PTPRM: variants seen among roughly 807,000 people sequenced by gnomAD.
PTPRM encodes the protein protein tyrosine phosphatase receptor type M.
PTPRM carries 47 observed loss-of-function variants against 186.7 expected under a neutral mutation model. That is an observed-to-expected ratio of 0.25 (90% CI 0.20 to 0.32). The LOEUF (loss-of-function observed/expected upper bound fraction) is 0.32. PTPRM is among the 10% of genes least tolerant of loss of function. PTPRM has a pLI of 1.00. For synonymous variants in PTPRM, 668 were observed against 674.9 expected (o/e 0.99, Z 0.16); for missense variants, 1,494 against 1,865.0 (o/e 0.80, Z 3.66).
chr18:8,275,540 A>G (rs1013722843), intron 19 of PTPRM, among the ~76,000 whole-genome samples: 9 of 152,208 alleles, frequency 5.9e-5, no homozygotes, highest in African/African-American at 2.2e-4. Flanking sequence ...TGAGGCATGA[A>G]TGCGGTCAGA....
intron 13 of PTPRM, among the ~76,000 whole-genome samples, chr18:8,125,239 T>C (rs1354308868): frequency 6.6e-6 from 1 of 151,884 alleles, no homozygotes; most frequent in Admixed American, 6.6e-5. Context: ...CTCATAAATA[T>C]TTCTTGACTG....
At chr18:8,128,044 C>G (rs1316129561) in intron 13 of PTPRM, among the ~76,000 whole-genome samples, 1 of 152,122 alleles carries the variant, frequency 6.6e-6, no homozygotes, top group Admixed American at 6.6e-5. Context: ...CGTACTATCT[C>G]TATGATACCA....
At chr18:7,940,152 G>A (rs181730816) in intron 5 of PTPRM, among the ~76,000 whole-genome samples, 2 of 152,248 alleles carry the variant, frequency 1.3e-5, no homozygotes, top group African/African-American at 4.8e-5. Context: ...GGAATCTGGG[G>A]ACCAAAAGAC....
intron 5 of PTPRM, among the ~76,000 whole-genome samples, chr18:7,927,827 A>G (rs1599558202): frequency 1.3e-5 from 2 of 152,124 alleles, no homozygotes; most frequent in Admixed American, 1.3e-4. Context: ...ATCTCACTCA[A>G]CCTCCTGGGA....
chr18:7,850,312 G>A (rs940367679), intron 2 of PTPRM, among the ~76,000 whole-genome samples: 4 of 152,180 alleles, frequency 2.6e-5, no homozygotes, highest in Non-Finnish European at 4.4e-5. Flanking sequence ...AATGGTTAAT[G>A]TGCTTGTTTC....
rs1235933280 is a variant in PTPRM at position 8,126,021 on chromosome 18, A to ATT, written c.2167+11195_2167+11196insTT. ...TATATATATATATATATATATATAT[A>ATT]TATATATTTTAAATCAGTAGACCTT... On this transcript the variant is annotated intron_variant, in intron 13 of 32. Coordinates refer to ENST00000580170, the MANE Select transcript of PTPRM (RefSeq NM_001105244.2). Among the ~76,000 whole-genome samples the ATT allele has an allele frequency of 2.0e-3, 76 of 37,532 alleles. 7 individuals are homozygous for ATT. Among genetic ancestry groups the ATT allele is most frequent in the East Asian group, 0.02 (12 of 608 alleles). The allele number at this position is 37,532 out of a possible 152,430, so 24.6% of individuals were successfully genotyped here.
chr18:8,231,405 C>T (rs897322121), intron 14 of PTPRM, among the ~76,000 whole-genome samples: 2 of 152,172 alleles, frequency 1.3e-5, no homozygotes, highest in African/African-American at 4.8e-5. Flanking sequence ...GTGATTTCTT[C>T]TTCCTTCCAG....
intron 2 of PTPRM, among the ~76,000 whole-genome samples, chr18:7,872,267 T>G (rs2048020272): frequency 1.3e-5 from 2 of 152,302 alleles, no homozygotes. Flanking sequence ...TCAGTATCCA[T>G]TCAGACAAAC....
intron 14 of PTPRM, among the ~76,000 whole-genome samples, chr18:8,192,637 A>G (rs1488209201): frequency 6.6e-6 from 1 of 152,184 alleles, no homozygotes; most frequent in East Asian, 1.9e-4. Flanking sequence ...AATAGAAAGG[A>G]TGGGGGATGT....
At position 7,875,118 on chromosome 18, in the gene PTPRM, C is replaced by T. The variant is rs1322520928; in HGVS notation, c.197-12988C>T. 2.0e-5 allele frequency among the ~76,000 whole-genome samples: 3 copies of T among 152,092 alleles called. No homozygotes were observed. In the East Asian group the frequency reaches 5.9e-4, roughly 30 times the overall value. The stretch of plus-strand genomic sequence containing the variant: ...GGCTGAAGCAGGAGAATCACCTGAA[C>T]CCAGGAGGCAGAGGTTGCAGTGAAC... On this transcript the variant is annotated intron_variant, in intron 2 of 32. Transcript: ENST00000580170.
intron 19 of PTPRM, among the ~76,000 whole-genome samples, chr18:8,271,705 T>G (rs1385663148): frequency 6.6e-6 from 1 of 152,122 alleles, no homozygotes; most frequent in African/African-American, 2.4e-5. Flanking sequence ...TTTTCTTGAG[T>G]TAATTTTGAT....
At chr18:7,717,557 T>A (rs948378147) in intron 1 of PTPRM, among the ~76,000 whole-genome samples, 8 of 152,298 alleles carry the variant, frequency 5.3e-5, no homozygotes, top group East Asian at 1.9e-4. Flanking sequence ...TTAGTGTAGA[T>A]ACAAAAGGCA....
Position 8,049,378 on chromosome 18 carries a change from C to T in PTPRM, c.1133-20308C>T, listed in dbSNP as rs1390082303. ...ACTTCCTTAAAACAGAAAAGCACAA[C>T]AGAGATGTGAGTCACAACACAGAAA... On this transcript the variant is annotated intron_variant, in intron 7 of 32. Transcript: ENST00000580170. The T allele has an allele frequency of 1.3e-5, 2 of 152,076 alleles. 1 individual carries two copies. The highest frequency in any genetic ancestry group is 2.9e-5 in the Non-Finnish European group (2 of 68,028). The allele number at this position is 152,076 out of a possible 1,614,324, so 9.4% of individuals were successfully genotyped here.
At chr18:8,282,887 A>T (rs1362840893) in intron 19 of PTPRM, among the ~76,000 whole-genome samples, 1 of 152,240 alleles carries the variant, frequency 6.6e-6, no homozygotes, top group Non-Finnish European at 1.5e-5. Context: ...TATACCATGG[A>T]ATATTACTGA....
At chr18:8,366,791 G>C (rs938346749) in intron 23 of PTPRM, 6 of 152,218 alleles carry the variant, frequency 3.9e-5, no homozygotes. Context: ...CCACCACCAG[G>C]GCACTAAGGT....
intron 2 of PTPRM, among the ~76,000 whole-genome samples, chr18:7,842,734 C>A (rs1348104): frequency 0.68 from 102,912 of 150,682 alleles, 35,945 homozygotes; most frequent in East Asian, 0.96. Context: ...GCCAGCCCCA[C>A]CACTTACATG....
intron 23 of PTPRM, among the ~76,000 whole-genome samples, chr18:8,344,434 G>A (rs1412434334): frequency 1.2e-5 from 1 of 81,182 alleles, no homozygotes; most frequent in African/African-American, 6.8e-5. Flanking sequence ...ATATATATGT[G>A]TGTGTGTGTG....
intron 19 of PTPRM, among the ~76,000 whole-genome samples, chr18:8,290,914 AG>A (rs2095035626): frequency 6.6e-6 from 1 of 152,212 alleles, no homozygotes; most frequent in Non-Finnish European, 1.5e-5. Flanking sequence ...GGAAGTTCAT[AG>A]TTGGTGTGTT....
intron 2 of PTPRM, among the ~76,000 whole-genome samples, chr18:7,805,324 C>T (rs778784328): frequency 1.3e-5 from 2 of 152,196 alleles, no homozygotes; most frequent in Non-Finnish European, 2.9e-5. Context: ...CACCACAGCT[C>T]ATCATTTCTT....
Sources: gnomAD v4.1 joint callset for allele counts (sites outside exome capture counted in the v4.1 genomes callset) on GRCh38, gnomAD v4.1.1 for gene constraint, MANE v1.5 for transcripts, NCBI Gene and HGNC (gene_info 2026-07-23, HGNC 2026-07-21) for gene names.